Variants in ACCSL observed in about 807,000 individuals in gnomAD.
ACCSL encodes 1-aminocyclopropane-1-carboxylate synthase homolog (inactive) like.
In ACCSL, 55 loss-of-function variants were observed where a neutral mutation model predicts 61.7. The observed-to-expected ratio is 0.89, with a 90% CI of 0.72 to 1.12. ACCSL has a LOEUF of 1.12. Ranked by LOEUF, ACCSL falls within the 50% of genes most tolerant of loss-of-function variation. The probability of loss-of-function intolerance (pLI) is 0.00; values close to 1 mark genes in which losing one functional copy is unlikely to be tolerated. For synonymous variants in ACCSL, 258 were observed against 264.3 expected (o/e 0.98, Z 0.23); for missense variants, 632 against 698.0 (o/e 0.91, Z 1.07).
the ACCSL span, among the ~76,000 whole-genome samples, chr11:44,039,477 A>T: frequency 0.078 from 11,934 of 152,102 alleles, 486 homozygotes; most frequent in Non-Finnish European, 0.09. Context: ...CATAAAAATG[A>T]CACAATTGAT....
intron 11 of ACCSL, among the ~76,000 whole-genome samples, 192 bp downstream of exon 11, chr11:44,056,518 A>C (rs1952672733): frequency 6.6e-6 from 1 of 152,218 alleles, no homozygotes; most frequent in Non-Finnish European, 1.5e-5. Flanking sequence ...GTGTAGGCAG[A>C]AGATGGAGGT....
At chr11:44,022,854 G>A in the ACCSL span, among the ~76,000 whole-genome samples, 1 of 151,172 alleles carries the variant, frequency 6.6e-6, no homozygotes, top group Non-Finnish European at 1.5e-5. Context: ...CTTATGAAAT[G>A]AGTTGAAAAG....
chr11:43,945,384 G>A, the ACCSL span: 1 of 152,184 alleles, frequency 6.6e-6, no homozygotes, highest in African/African-American at 2.4e-5. Context: ...GGACAGAGGG[G>A]CGGACTCCAC....
chr11:44,004,695 G>A, the ACCSL span, among the ~76,000 whole-genome samples: 11 of 152,266 alleles, frequency 7.2e-5, no homozygotes, highest in East Asian at 1.7e-3. Context: ...CCATCTGCCC[G>A]CCCTATCCTC....
the ACCSL span, among the ~76,000 whole-genome samples, chr11:43,936,045 C>A: frequency 6.6e-6 from 1 of 152,246 alleles, no homozygotes; most frequent in Non-Finnish European, 1.5e-5. Context: ...CTAATCCCCC[C>A]AGGCCTGCCC....
intron 8 of ACCSL, 26 bp downstream of exon 8, chr11:44,053,532 G>A: frequency 6.3e-7 from 1 of 1,586,182 alleles, no homozygotes; most frequent in Non-Finnish European, 8.7e-7. Context: ...CTTGAGACTA[G>A]GTAATGTTTC....
the ACCSL span, among the ~76,000 whole-genome samples, chr11:43,939,515 G>GCCCC: frequency 6.6e-6 from 1 of 151,872 alleles, no homozygotes; most frequent in African/African-American, 2.4e-5. Flanking sequence ...CTCCACAACG[G>GCCCC]CCCCCCCTCC....
the ACCSL span, among the ~76,000 whole-genome samples, chr11:43,979,654 A>C: frequency 2.0e-5 from 3 of 152,204 alleles, no homozygotes; most frequent in African/African-American, 7.2e-5. Flanking sequence ...TTCGTTTCTA[A>C]TTATAAAAGA....
the ACCSL span, among the ~76,000 whole-genome samples, chr11:44,042,629 T>G: frequency 0.2 from 11,872 of 60,342 alleles, 481 homozygotes; most frequent in African/African-American, 0.26. Flanking sequence ...CCTGGTTGTT[T>G]TTTTTTTGTT....
the ACCSL span, among the ~76,000 whole-genome samples, chr11:44,016,419 G>A: frequency 6.6e-6 from 1 of 152,170 alleles, no homozygotes; most frequent in Non-Finnish European, 1.5e-5. Flanking sequence ...GAATGGGCGA[G>A]CAGATATTCT....
chr11:44,050,585 A>G lies in ACCSL; in HGVS notation c.598A>G (p.Thr200Ala). Residue 200 changes from threonine (T) to alanine (A), a missense_variant, in exon 3 of 14, where the codon ACC becomes GCC. Transcript: ENST00000378832. Reference protein sequence around the residue: ...QESDMNCIEDTLLQYPDWRGQ... With the variant: ...QESDMNCIEDALLQYPDWRGQ... ...AAGTGACATGAACTGCATTGAGGACACCTTGCTTCAGTACCCTGATTGGAG... is the reference window on the plus strand; with the variant it reads ...AAGTGACATGAACTGCATTGAGGACGCCTTGCTTCAGTACCCTGATTGGAG... 1 of 1,614,102 alleles carries G rather than the reference A, an allele frequency of 6.2e-7. No individual in the cohort carries two copies. The highest frequency in any genetic ancestry group is 8.5e-7 in the Non-Finnish European group (1 of 1,180,018).
At chr11:43,930,272 G>T in the ACCSL span, among the ~76,000 whole-genome samples, 4 of 152,140 alleles carry the variant, frequency 2.6e-5, no homozygotes, top group Non-Finnish European at 5.9e-5. Context: ...TCTGGCTCCT[G>T]GGAAAAGCCT....
chr11:43,980,187 A>C, the ACCSL span, among the ~76,000 whole-genome samples: 3 of 152,108 alleles, frequency 2.0e-5, no homozygotes, highest in Admixed American at 6.5e-5. Flanking sequence ...AATATACCAT[A>C]GTTTATTTAT....
At chr11:43,958,062 T>C in the ACCSL span, among the ~76,000 whole-genome samples, 1,226 of 152,284 alleles carry the variant, frequency 8.1e-3, 14 homozygotes, top group African/African-American at 0.028. Context: ...GGAAAGGAAT[T>C]TAGTGTATAG....
the ACCSL span, among the ~76,000 whole-genome samples, chr11:43,996,390 C>T: frequency 1.3e-5 from 2 of 152,046 alleles, no homozygotes; most frequent in Non-Finnish European, 2.9e-5. Flanking sequence ...GGAGACCTGT[C>T]GCAGGGAGAT....
chr11:43,949,420 A>G, the ACCSL span, among the ~76,000 whole-genome samples: 1 of 152,148 alleles, frequency 6.6e-6, no homozygotes, highest in South Asian at 2.1e-4. Flanking sequence ...AAATCTTGGG[A>G]CCCCAAAGTC....
the ACCSL span, among the ~76,000 whole-genome samples, chr11:43,960,024 G>A: frequency 6.6e-6 from 1 of 152,138 alleles, no homozygotes; most frequent in South Asian, 2.1e-4. Context: ...TTTGGGACCA[G>A]CTGGGTGGTT....
chr11:43,991,038 T>C, the ACCSL span, among the ~76,000 whole-genome samples: 3 of 151,732 alleles, frequency 2.0e-5, no homozygotes, highest in Non-Finnish European at 4.4e-5. Context: ...GCCACTGCAC[T>C]CTAGCCTGGG....
the ACCSL span, among the ~76,000 whole-genome samples, chr11:44,010,289 G>A: frequency 3.2e-3 from 481 of 152,236 alleles, 6 homozygotes; most frequent in African/African-American, 0.011. Flanking sequence ...GCAGTGAGCC[G>A]AGATCGCACC....
Sources: allele counts gnomAD v4.1 joint callset (sites outside exome capture counted in the v4.1 genomes callset), GRCh38; gene constraint gnomAD v4.1.1; transcripts MANE v1.5; gene names NCBI Gene and HGNC (gene_info 2026-07-23, HGNC 2026-07-21).